CLIC5: variants seen among roughly 807,000 people sequenced by gnomAD.
CLIC5 encodes chloride intracellular channel protein 5.
In CLIC5, 20 loss-of-function variants were observed where a neutral mutation model predicts 24.7. The observed-to-expected ratio is 0.81, with a 90% CI of 0.57 to 1.18. The LOEUF is 1.18. Among genes scored for constraint, CLIC5 ranks in the 50% most tolerant of loss-of-function variants. CLIC5 has a pLI of 0.00. For missense variants in CLIC5, 341 were observed against 326.1 expected, an observed-to-expected ratio of 1.05 and a Z score of -0.35; for synonymous variants, 159 against 135.6, an observed-to-expected ratio of 1.17 and a Z score of -1.20.
At chr6:45,885,590 G>A (rs1054314718) in intron 6 of CLIC5, among the ~76,000 whole-genome samples, 1 of 152,242 alleles carries the variant, frequency 6.6e-6, no homozygotes, top group South Asian at 2.1e-4. Context: ...TTCCCATTGC[G>A]GATACAAATC....
At chr6:45,981,738 C>G (rs1765574532) in intron 1 of CLIC5, among the ~76,000 whole-genome samples, 1 of 152,194 alleles carries the variant, frequency 6.6e-6, no homozygotes, top group Non-Finnish European at 1.5e-5. Context: ...GGTGCGGTGG[C>G]TCATGCCAAT....
At chr6:45,979,702 T>C (rs1294254499) in intron 1 of CLIC5, among the ~76,000 whole-genome samples, 2 of 152,232 alleles carry the variant, frequency 1.3e-5, no homozygotes, top group African/African-American at 2.4e-5. Flanking sequence ...TTAAAAAACG[T>C]TGATGGCATT....
chr6:45,935,061 G>A (rs1363268803), intron 4 of CLIC5, among the ~76,000 whole-genome samples: 1 of 152,216 alleles, frequency 6.6e-6, no homozygotes, highest in Non-Finnish European at 1.5e-5. Flanking sequence ...ATTATGATAA[G>A]TAACTAAAAT....
At chr6:46,124,505 C>T in the CLIC5 span, among the ~76,000 whole-genome samples, 4 of 152,184 alleles carry the variant, frequency 2.6e-5, no homozygotes, top group Non-Finnish European at 4.4e-5. Flanking sequence ...CCATTCAGGA[C>T]ATAGGCATGG....
chr6:46,106,436 A>G, the CLIC5 span, among the ~76,000 whole-genome samples: 1 of 152,148 alleles, frequency 6.6e-6, no homozygotes, highest in Non-Finnish European at 1.5e-5. Flanking sequence ...ATCTAGATAT[A>G]CTTTCCAGCT....
the CLIC5 span, among the ~76,000 whole-genome samples, chr6:46,085,416 T>TG: frequency 6.6e-6 from 1 of 152,210 alleles, no homozygotes; most frequent in Admixed American, 6.5e-5. Flanking sequence ...TATCTACTTT[T>TG]GGTCTTTGAT....
intron 4 of CLIC5, among the ~76,000 whole-genome samples, chr6:45,936,794 T>C (rs955494443): frequency 1.3e-4 from 20 of 151,994 alleles, no homozygotes; most frequent in African/African-American, 4.8e-4. Flanking sequence ...AAACCAGGCG[T>C]GTGGGTGAGA....
chr6:45,962,007 A>G (rs938639479), intron 1 of CLIC5, among the ~76,000 whole-genome samples: 4 of 150,688 alleles, frequency 2.7e-5, no homozygotes, highest in African/African-American at 9.9e-5. Flanking sequence ...CAGAACCAGC[A>G]CAACATGTAT....
At chr6:45,920,665 A>G in intron 4 of CLIC5, 1 of 979,860 alleles carries the variant, frequency 1.0e-6, no homozygotes, top group Non-Finnish European at 1.2e-6. Flanking sequence ...CTGTTGGAAG[A>G]AGAAGCCTTT....
At chr6:46,113,213 T>C in the CLIC5 span, among the ~76,000 whole-genome samples, 2 of 152,138 alleles carry the variant, frequency 1.3e-5, no homozygotes, top group African/African-American at 4.8e-5. Context: ...ACTGGATTAA[T>C]TCTGAATATG....
At chr6:46,054,253 G>T (rs751815778) in intron 1 of CLIC5, among the ~76,000 whole-genome samples, 1 of 152,018 alleles carries the variant, frequency 6.6e-6, no homozygotes, top group Non-Finnish European at 1.5e-5. Flanking sequence ...TTCCTTCTCT[G>T]CTCCAAGGCA....
chr6:46,064,854 C>A (rs889088428), intron 1 of CLIC5, among the ~76,000 whole-genome samples: 1 of 152,010 alleles, frequency 6.6e-6, no homozygotes, highest in African/African-American at 2.4e-5. Flanking sequence ...AACAAAAAAT[C>A]TTTGTGACCT....
chr6:45,933,299 A>AT (rs1763813539), intron 4 of CLIC5, among the ~76,000 whole-genome samples: 1 of 152,172 alleles, frequency 6.6e-6, no homozygotes. Context: ...TTGAGCTTGG[A>AT]TTGGAGAGAA....
chr6:45,935,727 TC>T (rs1251395535), intron 4 of CLIC5, among the ~76,000 whole-genome samples: 3 of 152,154 alleles, frequency 2.0e-5, no homozygotes, highest in Non-Finnish European at 2.9e-5. Context: ...CCACTGGTCC[TC>T]CCCTTTCTAA....
At chr6:46,008,181 G>A (rs1581856145) in intron 1 of CLIC5, among the ~76,000 whole-genome samples, 1 of 151,970 alleles carries the variant, frequency 6.6e-6, no homozygotes, top group East Asian at 1.9e-4. Context: ...CCCATTCAAG[G>A]CCCCCTCCTG....
At chr6:45,972,750 A>G (rs1765243424) in intron 1 of CLIC5, among the ~76,000 whole-genome samples, 1 of 152,240 alleles carries the variant, frequency 6.6e-6, no homozygotes, top group East Asian at 1.9e-4. Flanking sequence ...CCTTTGCAAG[A>G]TAAAGGCCTC....
At chr6:46,041,191 C>T (rs562630804) in intron 1 of CLIC5, among the ~76,000 whole-genome samples, 1 of 152,156 alleles carries the variant, frequency 6.6e-6, no homozygotes, top group African/African-American at 2.4e-5. Flanking sequence ...TGTGCTTTTA[C>T]CAAATAACAG....
chr6:46,075,696 A>G (rs1401212285), intron 1 of CLIC5, among the ~76,000 whole-genome samples: 1 of 152,216 alleles, frequency 6.6e-6, no homozygotes, highest in African/African-American at 2.4e-5. Flanking sequence ...TTCTTTTGCA[A>G]TAACCATTAT....
At chr6:46,087,933 G>C in the CLIC5 span, among the ~76,000 whole-genome samples, 3 of 152,120 alleles carry the variant, frequency 2.0e-5, no homozygotes, top group Admixed American at 6.5e-5. Flanking sequence ...CTATCATTCT[G>C]CCTAAAGGAA....
Sources: gnomAD v4.1 joint callset for allele counts (sites outside exome capture counted in the v4.1 genomes callset) on GRCh38, gnomAD v4.1.1 for gene constraint, MANE v1.5 for transcripts, NCBI Gene and HGNC (gene_info 2026-07-23, HGNC 2026-07-21) for gene names.